The following SLC9D1 variants were observed in gnomAD, a reference collection of about 807,000 sequenced individuals.
The protein encoded by SLC9D1 is solute carrier family 9 member D1, also known as putative LAG1-interacting protein.
chr13:113,549,305 C>A, the SLC9D1 span: 1 of 1,148,352 alleles, frequency 8.7e-7, no homozygotes, highest in East Asian at 2.6e-5. Context: ...CTGTGCTCAG[C>A]CTCAGGACTC....
At chr13:113,503,554 T>C in the SLC9D1 span, 1 of 1,613,956 alleles carries the variant, frequency 6.2e-7, no homozygotes, top group South Asian at 1.1e-5. Flanking sequence ...CTTTTTCTTG[T>C]TGGCTTAGAA....
the SLC9D1 span, chr13:113,534,496 A>G: frequency 6.0e-6 from 3 of 502,550 alleles, no homozygotes; most frequent in Admixed American, 1.1e-4. Flanking sequence ...TTCATTAAAA[A>G]CAAATCCGTG....
the SLC9D1 span, chr13:113,503,346 TG>T: frequency 7.7e-5 from 12 of 155,220 alleles, no homozygotes; most frequent in East Asian, 9.6e-4. Context: ...ACTGTGTGAT[TG>T]TGTGTGTGTG....
chr13:113,534,598 G>T, the SLC9D1 span: 1 of 302,306 alleles, frequency 3.3e-6, no homozygotes, highest in Non-Finnish European at 6.0e-6. Flanking sequence ...GGAGCAGCCA[G>T]GACAACAGAG....
At chr13:113,521,713 A>T in the SLC9D1 span, among the ~76,000 whole-genome samples, 31,918 of 151,968 alleles carry the variant, frequency 0.21, 4,074 homozygotes, top group African/African-American at 0.36. Flanking sequence ...AAATGGGAAG[A>T]ATTAATTTAT....
At chr13:113,530,341 T>C in the SLC9D1 span, 10 of 152,206 alleles carry the variant, frequency 6.6e-5, 1 homozygote, top group African/African-American at 4.8e-5. Context: ...TTGTATACTT[T>C]AAATGGGTAA....
chr13:113,537,519 T>C, the SLC9D1 span, among the ~76,000 whole-genome samples: 2 of 152,384 alleles, frequency 1.3e-5, no homozygotes, highest in East Asian at 3.9e-4. Flanking sequence ...GCATGTCAGA[T>C]ATGTTTTTGC....
At chr13:113,496,629 A>G in the SLC9D1 span, among the ~76,000 whole-genome samples, 1 of 152,360 alleles carries the variant, frequency 6.6e-6, no homozygotes, top group African/African-American at 2.4e-5. Context: ...ACCAAGCATC[A>G]TGCCAAGCCC....
At chr13:113,493,550 A>G in the SLC9D1 span, among the ~76,000 whole-genome samples, 1 of 152,176 alleles carries the variant, frequency 6.6e-6, no homozygotes, top group Non-Finnish European at 1.5e-5. Context: ...AAGGTGGTAA[A>G]TGTGTACTTA....
the SLC9D1 span, chr13:113,536,573 C>T: frequency 2.0e-6 from 2 of 985,138 alleles, no homozygotes; most frequent in Non-Finnish European, 2.4e-6. Flanking sequence ...ATCTGGACAA[C>T]TTCCGTGTTG....
chr13:113,512,400 CGGAGAGGGTTGGAGTGTAGAT>C, the SLC9D1 span, among the ~76,000 whole-genome samples: 1 of 118,240 alleles, frequency 8.5e-6, no homozygotes, highest in African/African-American at 3.2e-5. Flanking sequence ...GGAGTGTAGA[CGGAGAGGGTTGGAGTGTAGAT>C]GGAGAGGGTC....
the SLC9D1 span, among the ~76,000 whole-genome samples, chr13:113,549,262 C>T: frequency 6.6e-6 from 1 of 151,556 alleles, no homozygotes; most frequent in East Asian, 1.9e-4. Flanking sequence ...CCCCACCCCC[C>T]CGTGCAGGCA....
chr13:113,516,932 C>T, the SLC9D1 span, among the ~76,000 whole-genome samples: 15 of 152,316 alleles, frequency 9.8e-5, no homozygotes, highest in African/African-American at 2.6e-4. Context: ...TTCTTAACCT[C>T]GGAGCAAGAC....
chr13:113,510,239 T>G, the SLC9D1 span: 1 of 1,613,896 alleles, frequency 6.2e-7, no homozygotes, highest in South Asian at 1.1e-5. Context: ...CTCTTTAAGG[T>G]GTGGAAGATT....
At chr13:113,500,142 T>G in the SLC9D1 span, 1 of 1,499,728 alleles carries the variant, frequency 6.7e-7, no homozygotes, top group Non-Finnish European at 9.0e-7. Flanking sequence ...GATCACCACT[T>G]TATAAAGGTA....
chr13:113,522,701 C>T, the SLC9D1 span, among the ~76,000 whole-genome samples: 82 of 152,008 alleles, frequency 5.4e-4, no homozygotes, highest in African/African-American at 8.9e-4. Flanking sequence ...GTCGTGATCT[C>T]GGCTCACTGA....
At chr13:113,531,881 T>G in the SLC9D1 span, among the ~76,000 whole-genome samples, 1 of 152,244 alleles carries the variant, frequency 6.6e-6, no homozygotes, top group Non-Finnish European at 1.5e-5. Context: ...CTTCTGGGAA[T>G]TAGACCTAAA....
chr13:113,548,553 T>TG, the SLC9D1 span: 3 of 1,341,588 alleles, frequency 2.2e-6, no homozygotes, highest in South Asian at 4.3e-5. Context: ...CAGCGGGGCC[T>TG]GGGGGCAGGG....
the SLC9D1 span, chr13:113,539,386 G>T: frequency 6.2e-7 from 1 of 1,613,358 alleles, no homozygotes; most frequent in Non-Finnish European, 8.5e-7. The surrounding 1 kb of genome is among the most constrained non-coding windows in gnomAD (Gnocchi z 4.8). Flanking sequence ...TCTCCATGGA[G>T]CTGGGCTGTT....
Sources: allele counts gnomAD v4.1 joint callset (sites outside exome capture counted in the v4.1 genomes callset), GRCh38; gene constraint gnomAD v4.1.1; non-coding constraint Gnocchi (gnomAD v3.1); transcripts MANE v1.5; gene names NCBI Gene and HGNC (gene_info 2026-07-23, HGNC 2026-07-21).